The following PHYHIPL variants were observed in gnomAD, a reference collection of about 807,000 sequenced individuals.
PHYHIPL encodes the protein phytanoyl-CoA 2-hydroxylase interacting protein like, also known as phytanoyl-CoA hydroxylase-interacting protein-like.
A neutral mutation model predicts 33.4 loss-of-function variants in PHYHIPL; 9 were observed. That is an observed-to-expected ratio of 0.27 (90% CI 0.16 to 0.47). PHYHIPL has a LOEUF of 0.47. PHYHIPL is among the 20% of genes least tolerant of loss of function. The probability of loss-of-function intolerance (pLI) is 0.99; values close to 1 mark genes in which losing one functional copy is unlikely to be tolerated. For missense variants in PHYHIPL, 365 were observed against 460.7 expected, an observed-to-expected ratio of 0.79 and a Z score of 1.90; for synonymous variants, 153 against 154.1, an observed-to-expected ratio of 0.99 and a Z score of 0.05.
intron 1 of PHYHIPL, among the ~76,000 whole-genome samples, chr10:59,182,921 A>G (rs573731428): frequency 9.2e-5 from 14 of 152,306 alleles, no homozygotes; most frequent in African/African-American, 3.4e-4. Context: ...AAAGGAGAAA[A>G]AGAGAAATAA....
chr10:59,247,402 C>T lies in PHYHIPL; in HGVS notation c.*1811C>T. ...GGCATGGAGGACACTGAATTTTTTC[C>T]CAATTATATGGCTACCTGTTGTATT... On this transcript the variant is annotated 3_prime_UTR_variant, in exon 5 of 5. Transcript: ENST00000373880. 1 of 535,732 alleles carries T rather than the reference C, an allele frequency of 1.9e-6. No homozygotes were observed. The highest frequency in any genetic ancestry group is 3.2e-6 in the Non-Finnish European group (1 of 311,088). 33.2% of individuals were successfully genotyped at this position (535,732 alleles called of 1,614,324 possible).
upstream of PHYHIPL, among the ~76,000 whole-genome samples, chr10:59,173,757 G>A (rs1838204409): frequency 6.6e-6 from 1 of 151,936 alleles, no homozygotes; most frequent in African/African-American, 2.4e-5. Context: ...AAAAATTAGA[G>A]TAATATTTTC....
chr10:59,236,044 A>G (rs1840222016), intron 2 of PHYHIPL, among the ~76,000 whole-genome samples: 1 of 151,778 alleles, frequency 6.6e-6, no homozygotes, highest in Middle Eastern at 3.2e-3. Flanking sequence ...TAGTATGAGA[A>G]TGTTGCATTT....
chr10:59,216,534 T>A (rs1839617445), intron 1 of PHYHIPL, among the ~76,000 whole-genome samples: 1 of 152,090 alleles, frequency 6.6e-6, no homozygotes, highest in South Asian at 2.1e-4. Flanking sequence ...AAGATCAATG[T>A]GACCTTCTTA....
At chr10:59,202,428 G>A (rs1029323576) in intron 1 of PHYHIPL, among the ~76,000 whole-genome samples, 3 of 152,152 alleles carry the variant, frequency 2.0e-5, no homozygotes, top group African/African-American at 7.2e-5. Flanking sequence ...AAGCATTAGA[G>A]TAACATTGTC....
intron 1 of PHYHIPL, among the ~76,000 whole-genome samples, chr10:59,208,886 G>A (rs971918437): frequency 4.4e-4 from 67 of 151,992 alleles, no homozygotes; most frequent in Admixed American, 7.9e-4. Flanking sequence ...AAAAAAGAAC[G>A]AAAAGGAACA....
intron 1 of PHYHIPL, among the ~76,000 whole-genome samples, chr10:59,198,763 G>A (rs1839001741): frequency 6.6e-6 from 1 of 152,136 alleles, no homozygotes; most frequent in South Asian, 2.1e-4. Flanking sequence ...GGTGTGAGAT[G>A]GTATCTCATT....
intron 1 of PHYHIPL, among the ~76,000 whole-genome samples, chr10:59,188,813 T>C (rs1331830181): frequency 1.3e-5 from 2 of 152,212 alleles, no homozygotes; most frequent in Non-Finnish European, 2.9e-5. Flanking sequence ...GTTTTCCATT[T>C]GCTTGGTAGA....
In PHYHIPL at chr10:59,246,848, A is replaced by G. The variant is rs904462244; in HGVS notation, c.*1257A>G. ...TAATACTATGGACACATTAGATTATATACTACAGACACATATCTATCCAAA... is the reference window on the plus strand; with the variant it reads ...TAATACTATGGACACATTAGATTATGTACTACAGACACATATCTATCCAAA... On this transcript the variant is annotated 3_prime_UTR_variant, in exon 5 of 5. Coordinates refer to ENST00000373880, the MANE Select transcript of PHYHIPL (RefSeq NM_032439.4). 1.0e-5 allele frequency: 4 copies of G among 382,382 alleles called. No individual in the cohort carries two copies. The highest frequency in any genetic ancestry group is 8.3e-5 in the African/African-American group (4 of 48,400). The allele number at this position is 382,382 out of a possible 1,614,324, so 23.7% of individuals were successfully genotyped here.
intron 1 of PHYHIPL, among the ~76,000 whole-genome samples, chr10:59,223,221 C>T (rs561520531): frequency 2.6e-5 from 4 of 152,256 alleles, no homozygotes; most frequent in South Asian, 4.2e-4. Flanking sequence ...AAAATTTGTA[C>T]GGGCCTTTGG....
At chr10:59,181,964 A>G (rs1015568652) in intron 1 of PHYHIPL, among the ~76,000 whole-genome samples, 4 of 152,226 alleles carry the variant, frequency 2.6e-5, no homozygotes, top group Non-Finnish European at 4.4e-5. Flanking sequence ...ATAGAATGCT[A>G]TTTAGACAAC....
At chr10:59,221,568 A>G (rs1049066854) in intron 1 of PHYHIPL, 36 of 450,622 alleles carry the variant, frequency 8.0e-5, no homozygotes, top group African/African-American at 7.1e-4. Context: ...AACACTGGAT[A>G]TGGCTAAGAG....
Position 59,235,920 on chromosome 10 carries a change from A to T in PHYHIPL, c.304-563A>T, listed in dbSNP as rs1840218951. The stretch of plus-strand genomic sequence containing the variant: ...TTTCTCCTTTAACCTGTAAAATATC[A>T]AGTAATGGGCAGCTTTAGTGAAATT... On this transcript the variant is annotated intron_variant, in intron 2 of 4. Coordinates refer to ENST00000373880, the MANE Select transcript of PHYHIPL (RefSeq NM_032439.4). Among the ~76,000 whole-genome samples the T allele has an allele frequency of 1.3e-5, 2 of 151,970 alleles. 1 individual carries two copies. Among genetic ancestry groups the T allele is most frequent in the South Asian group, 4.1e-4 (2 of 4,832 alleles).
rs927045581 is a variant in PHYHIPL, at chr10:59,246,792, A to G, written c.*1201A>G. On this transcript the variant is annotated 3_prime_UTR_variant, in exon 5 of 5. Coordinates refer to ENST00000373880, the MANE Select transcript of PHYHIPL (RefSeq NM_032439.4). ...ATATTCCCAATGAAAAAATAGTTAT[A>G]TCATCTTATAGTAAACCAAAAGATT... is the stretch of plus-strand genomic sequence containing the variant. 38 of 392,964 alleles carry G rather than the reference A, an allele frequency of 9.7e-5. No individual in the cohort carries two copies. Among genetic ancestry groups the G allele is most frequent in the Non-Finnish European group, 1.2e-4 (27 of 222,468 alleles). 24.3% of individuals were successfully genotyped at this position (392,964 alleles called of 1,614,324 possible).
intron 1 of PHYHIPL, among the ~76,000 whole-genome samples, chr10:59,205,580 C>A (rs1447323697): frequency 6.6e-6 from 1 of 152,072 alleles, no homozygotes; most frequent in East Asian, 1.9e-4. Flanking sequence ...ATATAACATG[C>A]TAGTTACCAA....
chr10:59,201,448 T>C (rs1839112328), intron 1 of PHYHIPL, among the ~76,000 whole-genome samples: 1 of 152,236 alleles, frequency 6.6e-6, no homozygotes, highest in Admixed American at 6.6e-5. Flanking sequence ...TCTGTTATTT[T>C]ACATTTGCTG....
At chr10:59,242,941 TAAAGTC>T (rs966698178) in intron 4 of PHYHIPL, among the ~76,000 whole-genome samples, 6 of 152,166 alleles carry the variant, frequency 3.9e-5, no homozygotes, top group African/African-American at 1.4e-4. Flanking sequence ...TTCATGTTGT[TAAAGTC>T]AAGAAGGAAA....
intron 1 of PHYHIPL, among the ~76,000 whole-genome samples, chr10:59,206,367 T>C (rs776919816): frequency 1.6e-4 from 24 of 152,210 alleles, no homozygotes; most frequent in Non-Finnish European, 3.2e-4. Flanking sequence ...CTGTGAGGTC[T>C]CTATCTGTCT....
At chr10:59,201,151 G>A (rs535340045) in intron 1 of PHYHIPL, among the ~76,000 whole-genome samples, 39 of 152,176 alleles carry the variant, frequency 2.6e-4, no homozygotes, top group African/African-American at 6.7e-4. Context: ...TGTGATGTTA[G>A]GATGTCAATT....
Sources: allele counts gnomAD v4.1 joint callset (sites outside exome capture counted in the v4.1 genomes callset), GRCh38; gene constraint gnomAD v4.1.1; transcripts MANE v1.5; gene names NCBI Gene and HGNC (gene_info 2026-07-23, HGNC 2026-07-21).